BMPER: variants seen among roughly 807,000 people sequenced by gnomAD.
BMPER encodes BMP-binding endothelial regulator protein.
BMPER carries 45 observed loss-of-function variants against 87.3 expected under a neutral mutation model. That is an observed-to-expected ratio of 0.52 (90% confidence interval 0.41 to 0.66). BMPER has a LOEUF of 0.66. Ranked by LOEUF, BMPER falls within the 30% of genes least tolerant of loss-of-function variation. The pLI is 0.00. For missense variants in BMPER, 784 were observed against 867.5 expected, an observed-to-expected ratio of 0.90 and a Z score of 1.21; for synonymous variants, 326 against 316.2, an observed-to-expected ratio of 1.03 and a Z score of -0.33.
At chr7:34,134,909 A>G (rs1306763129) in intron 13 of BMPER, among the ~76,000 whole-genome samples, 1 of 152,104 alleles carries the variant, frequency 6.6e-6, no homozygotes, top group East Asian at 1.9e-4. Context: ...AAGAATTGCT[A>G]CTTCCTTAAA....
At chr7:33,987,909 G>C (rs1258697204) in intron 6 of BMPER, among the ~76,000 whole-genome samples, 1 of 152,118 alleles carries the variant, frequency 6.6e-6, no homozygotes, top group Non-Finnish European at 1.5e-5. Context: ...AAAAGGAGGA[G>C]GTACCAGTTT....
chr7:34,015,826 A>G (rs568880967), intron 6 of BMPER, among the ~76,000 whole-genome samples: 1 of 152,064 alleles, frequency 6.6e-6, no homozygotes, highest in African/African-American at 2.4e-5. Context: ...AATGTGGCTC[A>G]CGCTGAGAGA....
chr7:34,048,374 TTAAAG>T (rs1348649032), intron 7 of BMPER, among the ~76,000 whole-genome samples: 11 of 151,980 alleles, frequency 7.2e-5, no homozygotes, highest in South Asian at 6.2e-4. Context: ...ACACACATGT[TTAAAG>T]TAAATGTGAA....
At chr7:33,936,919 A>C (rs1333232624) in intron 2 of BMPER, among the ~76,000 whole-genome samples, 1 of 152,194 alleles carries the variant, frequency 6.6e-6, no homozygotes, top group African/African-American at 2.4e-5. Flanking sequence ...GTCCTGGCCC[A>C]GGTAGCCCAA....
intron 8 of BMPER, among the ~76,000 whole-genome samples, 168 bp downstream of exon 8, chr7:34,052,138 A>G (rs1788161412): frequency 6.6e-6 from 1 of 152,232 alleles, no homozygotes; most frequent in South Asian, 2.1e-4. Context: ...ACTTACACAT[A>G]GGACCCACAC....
chr7:34,092,347 C>G (rs540727230), intron 13 of BMPER, among the ~76,000 whole-genome samples: 2 of 152,296 alleles, frequency 1.3e-5, no homozygotes, highest in Admixed American at 6.5e-5. Flanking sequence ...CCTGGTTCCT[C>G]TTCTGTCCCT....
chr7:34,081,541 G>C (rs1208449288), intron 12 of BMPER, among the ~76,000 whole-genome samples: 1 of 152,218 alleles, frequency 6.6e-6, no homozygotes, highest in East Asian at 1.9e-4. Context: ...ATAAAAAGCA[G>C]GGTAGAACTA....
chr7:34,062,588 A>G (rs1180533422), intron 11 of BMPER, among the ~76,000 whole-genome samples: 1 of 152,022 alleles, frequency 6.6e-6, no homozygotes, highest in Non-Finnish European at 1.5e-5. Context: ...GTCACTTAAC[A>G]GGATGTGAAA....
Position 33,905,750 on chromosome 7 carries a change from G to GGGGAGGGGGC in BMPER, c.133+12_133+21dup, listed in dbSNP as rs1783796387. On this transcript the variant is annotated splice_donor_region_variant and intron_variant, in intron 1 of 14. Coordinates refer to ENST00000649409, the MANE Select transcript of BMPER (RefSeq NM_001365308.1). ...CTGGCTTCCTCCTTCTTGACAGGTA[G>GGGGAGGGGGC]GGGAGGGGGCGGGAGGGACCGGCCC... The GGGGAGGGGGC allele has an allele frequency of 1.2e-5, 19 of 1,611,482 alleles. No homozygotes were observed. The highest frequency in any genetic ancestry group is 1.6e-5 in the Non-Finnish European group (19 of 1,179,252).
chr7:34,039,644 T>C (rs970250269), intron 6 of BMPER, among the ~76,000 whole-genome samples: 1 of 127,298 alleles, frequency 7.9e-6, no homozygotes, highest in African/African-American at 2.8e-5. Context: ...ACACACACAC[T>C]TATACCACTG....
At chr7:33,965,498 T>G (rs1356503532) in intron 3 of BMPER, among the ~76,000 whole-genome samples, 1 of 152,214 alleles carries the variant, frequency 6.6e-6, no homozygotes, top group Non-Finnish European at 1.5e-5. Flanking sequence ...GTTGATTAGC[T>G]TGCCAGAAAT....
intron 6 of BMPER, among the ~76,000 whole-genome samples, chr7:34,014,228 G>A (rs1030920840): frequency 5.9e-5 from 9 of 151,872 alleles, no homozygotes; most frequent in Admixed American, 5.9e-4. Flanking sequence ...CTTTAATGTG[G>A]GGACACATGG....
At chr7:34,134,160 C>T (rs565385331) in intron 13 of BMPER, among the ~76,000 whole-genome samples, 7 of 152,108 alleles carry the variant, frequency 4.6e-5, no homozygotes, top group Non-Finnish European at 7.3e-5. Flanking sequence ...TTTAGGATTA[C>T]ACAGGGGTTT....
At chr7:33,990,963 A>C (rs1786195036) in intron 6 of BMPER, among the ~76,000 whole-genome samples, 1 of 130,122 alleles carries the variant, frequency 7.7e-6, no homozygotes, top group South Asian at 2.8e-4. Flanking sequence ...CCAGGGATGA[A>C]GCCCACTTGA....
chr7:34,063,636 T>G (rs911406038), intron 11 of BMPER, among the ~76,000 whole-genome samples: 11 of 152,114 alleles, frequency 7.2e-5, no homozygotes, highest in Non-Finnish European at 1.5e-4. Flanking sequence ...GGAAGACAAA[T>G]TAGCTATGAT....
intron 3 of BMPER, among the ~76,000 whole-genome samples, chr7:33,951,613 G>A (rs1785026129): frequency 1.3e-5 from 2 of 152,146 alleles, no homozygotes; most frequent in Admixed American, 6.5e-5. Flanking sequence ...TGGAAGTTTT[G>A]GGAGGGTAGG....
intron 6 of BMPER, among the ~76,000 whole-genome samples, chr7:33,976,234 C>G (rs974989116): frequency 6.6e-6 from 1 of 152,148 alleles, no homozygotes; most frequent in Admixed American, 6.5e-5. Flanking sequence ...CTCCCTGCAG[C>G]CTCTGACTCC....
At chr7:34,088,937 G>A (rs990158480) in intron 13 of BMPER, among the ~76,000 whole-genome samples, 3 of 152,112 alleles carry the variant, frequency 2.0e-5, no homozygotes, top group African/African-American at 7.2e-5. Context: ...TGTAAGTGAC[G>A]ATTGCATTGC....
intron 3 of BMPER, among the ~76,000 whole-genome samples, chr7:33,961,779 G>T (rs1785277938): frequency 6.6e-6 from 1 of 152,144 alleles, no homozygotes; most frequent in South Asian, 2.1e-4. Context: ...TGCCTTAGTT[G>T]AGGAACTTGA....
Sources: gnomAD v4.1 joint callset for allele counts (sites outside exome capture counted in the v4.1 genomes callset) on GRCh38, gnomAD v4.1.1 for gene constraint, MANE v1.5 for transcripts, NCBI Gene and HGNC (gene_info 2026-07-23, HGNC 2026-07-21) for gene names.